The following FHIT variants were observed in gnomAD, a reference collection of about 807,000 sequenced individuals.
FHIT encodes the protein bis(5'-adenosyl)-triphosphatase.
Under a neutral mutation model 17.9 loss-of-function variants are expected in FHIT, and 19 were observed. The observed-to-expected ratio is 1.06, with a 90% CI of 0.74 to 1.56. FHIT has a LOEUF of 1.56. Among genes scored for constraint, FHIT ranks in the 40% most tolerant of loss-of-function variants. FHIT has a pLI of 0.00. For synonymous variants in FHIT, 81 were observed against 69.7 expected (o/e 1.16, Z -0.81); for missense variants, 248 against 189.2 (o/e 1.31, Z -1.82).
chr3:60,815,063 C>T (rs542823747), intron 4 of FHIT, among the ~76,000 whole-genome samples: 8 of 151,784 alleles, frequency 5.3e-5, no homozygotes, highest in Non-Finnish European at 8.8e-5. Flanking sequence ...AGTTTCTGTT[C>T]ATGTCTTTTG....
chr3:59,873,815 T>G (rs1235746413), intron 8 of FHIT, among the ~76,000 whole-genome samples: 1 of 152,050 alleles, frequency 6.6e-6, no homozygotes, highest in Non-Finnish European at 1.5e-5. Context: ...TTAATAGTAC[T>G]CCCCTTTCAC....
intron 3 of FHIT, among the ~76,000 whole-genome samples, chr3:61,029,722 T>C (rs912590596): frequency 5.9e-5 from 9 of 152,214 alleles, no homozygotes; most frequent in Admixed American, 1.3e-4. Context: ...AATTTTTTTT[T>C]CTTTTGGTGG....
chr3:60,009,767 C>T (rs1220404646), intron 7 of FHIT, among the ~76,000 whole-genome samples: 1 of 152,160 alleles, frequency 6.6e-6, no homozygotes, highest in Non-Finnish European at 1.5e-5. Flanking sequence ...CTAAAAGAAC[C>T]TGTATCCATT....
At chr3:60,910,698 C>A (rs1302991450) in intron 3 of FHIT, among the ~76,000 whole-genome samples, 1 of 152,196 alleles carries the variant, frequency 6.6e-6, no homozygotes, top group East Asian at 1.9e-4. Flanking sequence ...AGGCATGAGC[C>A]ACCATGCCCG....
At chr3:61,208,446 T>C (rs920018141) in intron 1 of FHIT, among the ~76,000 whole-genome samples, 1 of 152,054 alleles carries the variant, frequency 6.6e-6, no homozygotes, top group African/African-American at 2.4e-5. Flanking sequence ...TGTGTGGGAG[T>C]CTAAGTCTCT....
intron 5 of FHIT, among the ~76,000 whole-genome samples, chr3:60,147,208 C>G (rs1054184821): frequency 1.3e-5 from 2 of 152,192 alleles, no homozygotes; most frequent in African/African-American, 4.8e-5. Flanking sequence ...CAATACAAAG[C>G]TTTCCAAAAC....
At chr3:60,704,684 T>A (rs1043513687) in intron 4 of FHIT, among the ~76,000 whole-genome samples, 2 of 152,182 alleles carry the variant, frequency 1.3e-5, no homozygotes, top group Non-Finnish European at 2.9e-5. Context: ...GCCATTCTAT[T>A]TGGATTTTAA....
chr3:60,850,410 T>C (rs2106909446), intron 3 of FHIT, among the ~76,000 whole-genome samples: 1 of 151,810 alleles, frequency 6.6e-6, no homozygotes, highest in African/African-American at 2.4e-5. Flanking sequence ...GCTCTAATGT[T>C]ATCTCTTCAG....
chr3:60,955,611 T>TATATACATATATATATAC (rs1553778525), intron 3 of FHIT, among the ~76,000 whole-genome samples: 10 of 16,926 alleles, frequency 5.9e-4, no homozygotes, highest in African/African-American at 1.2e-3. Flanking sequence ...TATATATATA[T>TATATACATATATATATAC]ATATATATAT....
At chr3:60,069,941 G>A (rs576866783) in intron 5 of FHIT, among the ~76,000 whole-genome samples, 37 of 152,222 alleles carry the variant, frequency 2.4e-4, no homozygotes, top group African/African-American at 8.2e-4. Context: ...TTTTCTCCTC[G>A]CTCTTTACTC....
intron 5 of FHIT, among the ~76,000 whole-genome samples, chr3:60,087,284 G>A (rs571350095): frequency 6.6e-6 from 1 of 152,282 alleles, no homozygotes; most frequent in South Asian, 2.1e-4. Context: ...AGGAGGGGTG[G>A]TTGTGAAGAT....
At chr3:60,516,226 TATTC>T (rs1215892577) in intron 5 of FHIT, among the ~76,000 whole-genome samples, 2 of 152,224 alleles carry the variant, frequency 1.3e-5, no homozygotes, top group African/African-American at 4.8e-5. Flanking sequence ...CTAAAATATT[TATTC>T]ATTTACTTAA....
intron 8 of FHIT, among the ~76,000 whole-genome samples, chr3:59,769,487 G>C (rs1701967349): frequency 1.3e-5 from 2 of 152,174 alleles, no homozygotes; most frequent in South Asian, 4.1e-4. Context: ...TCTTAATTAT[G>C]TATGTGCACA....
intron 5 of FHIT, among the ~76,000 whole-genome samples, chr3:60,029,339 A>C (rs1700884687): frequency 6.6e-6 from 1 of 152,162 alleles, no homozygotes; most frequent in Admixed American, 6.6e-5. Context: ...CCAATGTGTT[A>C]AAAAATATTG....
chr3:60,192,672 T>A (rs992527670), intron 5 of FHIT, among the ~76,000 whole-genome samples: 3 of 152,178 alleles, frequency 2.0e-5, no homozygotes, highest in Non-Finnish European at 2.9e-5. Context: ...ACATGCTGCT[T>A]ACCTGCCCAG....
chr3:60,559,558 T>C (rs1247274028), intron 4 of FHIT, among the ~76,000 whole-genome samples: 1 of 152,138 alleles, frequency 6.6e-6, no homozygotes, highest in Non-Finnish European at 1.5e-5. Flanking sequence ...GCTGGTGTGC[T>C]CTCTCTCACT....
intron 3 of FHIT, among the ~76,000 whole-genome samples, chr3:60,960,932 C>A (rs887463240): frequency 2.0e-5 from 3 of 152,142 alleles, no homozygotes; most frequent in Admixed American, 1.3e-4. Flanking sequence ...ATTTATAATC[C>A]TTTTGGTAAA....
At chr3:59,885,126 T>G (rs1163537991) in intron 8 of FHIT, among the ~76,000 whole-genome samples, 4 of 152,224 alleles carry the variant, frequency 2.6e-5, no homozygotes, top group African/African-American at 9.6e-5. Flanking sequence ...ATCACCCTTA[T>G]GGCGCAAAAG....
chr3:60,781,386 C>T (rs1700383868), intron 4 of FHIT, among the ~76,000 whole-genome samples: 1 of 152,066 alleles, frequency 6.6e-6, no homozygotes, highest in African/African-American at 2.4e-5. Context: ...AATGGACACT[C>T]ATGAAGAAAC....
Sources: allele counts gnomAD v4.1 joint callset (sites outside exome capture counted in the v4.1 genomes callset), GRCh38; gene constraint gnomAD v4.1.1; transcripts MANE v1.5; gene names NCBI Gene and HGNC (gene_info 2026-07-23, HGNC 2026-07-21).